Variants in TBX3 observed in about 807,000 individuals in gnomAD.
TBX3 encodes the protein T-box transcription factor TBX3.
In TBX3, 11 loss-of-function variants were observed where a neutral mutation model predicts 47.8. The ratio of observed to expected loss-of-function variants is 0.23; its 90% CI spans 0.14 to 0.38. TBX3 has a LOEUF of 0.38. TBX3 is among the 10% of genes least tolerant of loss of function. The probability of loss-of-function intolerance (pLI) is 1.00; values close to 1 mark genes in which losing one functional copy is unlikely to be tolerated. For missense variants in TBX3, 927 were observed against 1,022.8 expected (o/e 0.91, Z 1.28); for synonymous variants, 500 against 449.3 (o/e 1.11, Z -1.43).
At chr12:114,680,115 G>A in intron 2 of TBX3, 2 of 830,788 alleles carry the variant, frequency 2.4e-6, no homozygotes, top group Non-Finnish European at 3.9e-6. Context: ...ATCAAATCAA[G>A]GGCTTCAAAT....
In TBX3 at chr12:114,672,085, A is replaced by G. The variant is rs766105115; in HGVS notation, c.1928T>C (p.Met643Thr). 3.2e-6 allele frequency: 5 copies of G among 1,568,274 alleles called. No homozygotes were observed. The South Asian group carries it at 5.8e-5, about 18-fold the overall frequency. The change falls in exon 7 of 7, where the codon ATG (methionine) becomes ACG (threonine). Residue 643 changes from methionine (M) to threonine (T), a missense_variant. Around this residue, in one of 5 missense-constraint regions of TBX3, gnomAD observed 623 missense variants for 569.0 expected, o/e 1.09. Coordinates refer to ENST00000349155, the MANE Select transcript of TBX3 (RefSeq NM_005996.4). ...GTCCAGGGGCCCCGCGGCCGCCGCCATGGAGGGCAGGGCGGTGGTGAGCAG... is the reference window on the plus strand; with the variant it reads ...GTCCAGGGGCCCCGCGGCCGCCGCCGTGGAGGGCAGGGCGGTGGTGAGCAG... Reference protein sequence around the residue: ...SSLLTTALPSMAAAAGPLDGK... With the variant: ...SSLLTTALPSTAAAAGPLDGK...
At position 114,683,340 on chromosome 12, in the gene TBX3, A is replaced by G. The variant is rs1362598221; in HGVS notation, c.-140T>C. 8.4e-7 allele frequency: 1 copy of G among 1,188,424 alleles called. No individual in the cohort carries two copies. Among genetic ancestry groups the G allele is most frequent in the African/African-American group, 1.5e-5 (1 of 65,076 alleles). 73.6% of individuals were successfully genotyped at this position (1,188,424 alleles called of 1,614,324 possible). A position where few individuals can be genotyped will look rare whatever the true frequency, so the allele number is the denominator to read the frequency against. ...AAAACAAAAAAGAAAGAAAAAAGAAAAGGAGGCAGAAATCACAACTAATGC... is the reference window on the plus strand; with the variant it reads ...AAAACAAAAAAGAAAGAAAAAAGAAGAGGAGGCAGAAATCACAACTAATGC... On this transcript the variant is annotated 5_prime_UTR_variant, in exon 1 of 7. Coordinates refer to ENST00000349155, the MANE Select transcript of TBX3 (RefSeq NM_005996.4). The surrounding 1 kb of genome is among the most constrained non-coding windows in gnomAD (Gnocchi z 7.7).
rs1221864835 is a variant in TBX3, at chr12:114,683,831, C to T, written c.-631G>A. On this transcript the variant is annotated 5_prime_UTR_variant, in exon 1 of 7. Transcript: ENST00000349155. The surrounding 1 kb of genome is among the most constrained non-coding windows in gnomAD (Gnocchi z 7.7). The stretch of plus-strand genomic sequence containing the variant: ...TGATTTAAACCCCCTTCTACCAGCG[C>T]TATCAAAACTTGAATTGCAAACTGG... 3.5e-5 allele frequency: 8 copies of T among 230,804 alleles called. No individual in the cohort carries two copies. The East Asian group carries it at 4.9e-4, about 14-fold the overall frequency. The allele number at this position is 230,804 out of a possible 1,614,324, so 14.3% of individuals were successfully genotyped here. A position where few individuals can be genotyped will look rare whatever the true frequency, so the allele number is the denominator to read the frequency against.
At position 114,672,007 on chromosome 12, in the gene TBX3, C is replaced by A. The variant is rs1868456130; in HGVS notation, c.2006G>T (p.Gly669Val). The A allele has an allele frequency of 6.3e-7, 1 of 1,597,488 alleles. No individual in the cohort carries two copies. The highest frequency in any genetic ancestry group is 8.5e-7 in the Non-Finnish European group (1 of 1,172,370). Residue 669 changes from glycine (G) to valine (V), a missense_variant, in exon 7 of 7, where the codon GGC (glycine) becomes GTC (valine). Physicochemically the swap from Gly to Val is moderately radical, Grantham distance 109. This residue lies in a region of TBX3 where 623 missense variants were observed against 569.0 expected (regional missense o/e 1.09). Coordinates refer to ENST00000349155, the MANE Select transcript of TBX3 (RefSeq NM_005996.4). ...ASPASVAVDS[G>V]SELNSRSSTL... ...GGAGGAGCGGCTGTTGAGTTCAGAG[C>A]CCGAGTCCACTGCCACCGAGGCCGG...
chr12:114,674,511 C>A lies in TBX3; in HGVS notation c.1364G>T (p.Gly455Val). The A allele has an allele frequency of 1.3e-6, 2 of 1,510,986 alleles. No individual in the cohort carries two copies. The highest frequency in any genetic ancestry group is 1.8e-6 in the Non-Finnish European group (2 of 1,133,818). 93.6% of individuals were successfully genotyped at this position (1,510,986 alleles called of 1,614,324 possible). The change falls in exon 6 of 7, where the codon GGC becomes GTC. Residue 455 changes from glycine (G) to valine (V), a missense_variant. Physicochemically the swap from Gly to Val is moderately radical, Grantham distance 109. Coordinates refer to ENST00000349155, the MANE Select transcript of TBX3 (RefSeq NM_005996.4). The part of the protein sequence containing the change: ...AKVEEARALP[G>V]KEAFAPLTVQ... ...CGTGAGCGGCGCGAAGGCCTCCTTG[C>A]CCGGGAGCGCGCGCGCCTCTTCCAC...
chr12:114,678,922 A>G (rs746053785), intron 3 of TBX3, among the ~76,000 whole-genome samples: 12 of 151,802 alleles, frequency 7.9e-5, no homozygotes, highest in Non-Finnish European at 1.5e-4. Context: ...GCCTCAGACA[A>G]CTCGATTAAT....
Position 114,674,459 on chromosome 12 carries a change from G to A in TBX3, c.1416C>T (p.His472=). 1 of 1,543,670 alleles carries A rather than the reference G, an allele frequency of 6.5e-7. No individual in the cohort carries two copies. The highest frequency in any genetic ancestry group is 8.7e-7 in the Non-Finnish European group (1 of 1,144,290). ...GGCCAGGCAGGGGGCCCTGGGCCAGGTGCGCGGCGGCCGCGTCCGTCTGCA... is the reference window on the plus strand; with the variant it reads ...GGCCAGGCAGGGGGCCCTGGGCCAGATGCGCGGCGGCCGCGTCCGTCTGCA... The part of the protein sequence containing the change: ...LTVQTDAAAA[H]LAQGPLPGLG... The change falls in exon 6 of 7, where the codon CAC becomes CAT. Residue 472 remains histidine (H), a synonymous_variant. Coordinates refer to ENST00000349155, the MANE Select transcript of TBX3 (RefSeq NM_005996.4).
chr12:114,671,513 C>T lies in TBX3; in HGVS notation c.*328G>A. On this transcript the variant is annotated 3_prime_UTR_variant, in exon 7 of 7. Transcript: ENST00000349155. ...CCGCACTGAGGGAGATGTCTTTGAACACCTCCCCGCCTGGTGGGCAGAGAC... is the reference window on the plus strand; with the variant it reads ...CCGCACTGAGGGAGATGTCTTTGAATACCTCCCCGCCTGGTGGGCAGAGAC... 1 of 453,102 alleles carries T rather than the reference C, an allele frequency of 2.2e-6. No individual in the cohort carries two copies. The highest frequency in any genetic ancestry group is 4.0e-6 in the Non-Finnish European group (1 of 249,904). 28.1% of individuals were successfully genotyped at this position (453,102 alleles called of 1,614,324 possible).
chr12:114,678,042 ACAC>A lies in TBX3; in HGVS notation c.805-389_805-387del, dbSNP rs557409922. On this transcript the variant is annotated intron_variant, in intron 3 of 6. Coordinates refer to ENST00000349155, the MANE Select transcript of TBX3 (RefSeq NM_005996.4). ...CCTTCACACACACACACACACACAC[ACAC>A]ACACACACACACTCCTTTTCCATGA... is the stretch of plus-strand genomic sequence containing the variant. 1.1e-4 allele frequency among the ~76,000 whole-genome samples: 16 copies of A among 151,972 alleles called. No homozygotes were observed. The South Asian group carries it at 2.9e-3, about 28-fold the overall frequency.
chr12:114,671,706 G>A lies in TBX3; in HGVS notation c.*135C>T. On this transcript the variant is annotated 3_prime_UTR_variant, in exon 7 of 7. Transcript: ENST00000349155. ...GTCTCTAGCACATTCTCTCGAGGGA[G>A]TCCGGGGCCCCTTCCCAGACGCAAC... The A allele has an allele frequency of 9.2e-7, 1 of 1,086,940 alleles. No individual in the cohort carries two copies. The highest frequency in any genetic ancestry group is 1.4e-5 in the South Asian group (1 of 73,738). 67.3% of individuals were successfully genotyped at this position (1,086,940 alleles called of 1,614,324 possible). A position where few individuals can be genotyped will look rare whatever the true frequency, so the allele number is the denominator to read the frequency against.
intron 2 of TBX3, chr12:114,680,008 CA>C (rs750394926): frequency 8.1e-6 from 13 of 1,609,110 alleles, no homozygotes; most frequent in Non-Finnish European, 1.7e-6. Context: ...TTTTAATTTA[CA>C]AAATGATTCA....
At chr12:114,673,311 C>A (rs1868531407) in intron 6 of TBX3, among the ~76,000 whole-genome samples, 1 of 152,210 alleles carries the variant, frequency 6.6e-6, no homozygotes, top group South Asian at 2.1e-4. Flanking sequence ...TCAGACAAAA[C>A]AAAAGGCAAC....
intron 4 of TBX3, 43 bp downstream of exon 4, chr12:114,677,537 G>A: frequency 6.3e-7 from 1 of 1,590,356 alleles, no homozygotes; most frequent in Non-Finnish European, 8.6e-7. Flanking sequence ...CCTAAAAAAA[G>A]GGATTTTTCT....
Position 114,681,102 on chromosome 12 carries a change from T to C in TBX3, c.434A>G (p.Lys145Arg), listed in dbSNP as rs1256655578. 1 of 1,613,996 alleles carries C rather than the reference T, an allele frequency of 6.2e-7. No individual in the cohort carries two copies. Among genetic ancestry groups the C allele is most frequent in the Non-Finnish European group, 8.5e-7 (1 of 1,180,040 alleles). Residue 145 changes from lysine to arginine, a missense_variant, in exon 2 of 7, where the codon AAA becomes AGA. Coordinates refer to ENST00000349155, the MANE Select transcript of TBX3 (RefSeq NM_005996.4). ...PFKVRCSGLD[K>R]KAKYILLMDI... ...CATCAATAAAATGTATTTGGCTTTT[T>C]TATCCAGCCCAGAACATCTCACTTT...
intron 1 of TBX3, among the ~76,000 whole-genome samples, chr12:114,682,036 CA>C (rs371257932): frequency 0.016 from 2,358 of 148,134 alleles, 67 homozygotes; most frequent in African/African-American, 0.055. Flanking sequence ...AATGCTATTA[CA>C]AAAAAAAAAT....
chr12:114,680,165 G>T, intron 2 of TBX3: 1 of 629,824 alleles, frequency 1.6e-6, no homozygotes, highest in Non-Finnish European at 2.8e-6. Context: ...CGCCATTCGC[G>T]TCTTCCTGGG....
At chr12:114,673,986 TGAATGGGGA>T (rs1347645108) in intron 6 of TBX3, among the ~76,000 whole-genome samples, 170 bp downstream of exon 6, 1 of 152,000 alleles carries the variant, frequency 6.6e-6, no homozygotes, top group Non-Finnish European at 1.5e-5. Context: ...ATTTTTGGGG[TGAATGGGGA>T]GAATGAAGTC....
chr12:114,675,120 CTTATT>C (rs2121386307), intron 5 of TBX3, among the ~76,000 whole-genome samples: 1 of 152,310 alleles, frequency 6.6e-6, no homozygotes, highest in East Asian at 1.9e-4. Context: ...AGTAGCTCTT[CTTATT>C]TTAATGAATT....
rs1438073122 is a variant in TBX3, at chr12:114,674,523, C to T, written c.1352G>A (p.Arg451His). ...GTAPAKVEEA[R>H]ALPGKEAFAP... is the part of the protein sequence containing the mutation. ...GAAGGCCTCCTTGCCCGGGAGCGCG[C>T]GCGCCTCTTCCACCTTGGCCGGCGC... The change falls in exon 6 of 7, where the codon CGC becomes CAC. Residue 451 changes from arginine to histidine, a missense_variant. This residue lies in a region of TBX3 where 623 missense variants were observed against 569.0 expected (regional missense o/e 1.09). Coordinates refer to ENST00000349155, the MANE Select transcript of TBX3 (RefSeq NM_005996.4). 2.6e-6 allele frequency: 4 copies of T among 1,516,378 alleles called. No individual in the cohort carries two copies. The highest frequency in any genetic ancestry group is 3.5e-6 in the Non-Finnish European group (4 of 1,136,550). The allele number at this position is 1,516,378 out of a possible 1,614,324, so 93.9% of individuals were successfully genotyped here. A position where few individuals can be genotyped will look rare whatever the true frequency, so the allele number is the denominator to read the frequency against.
Sources: allele counts gnomAD v4.1 joint callset (sites outside exome capture counted in the v4.1 genomes callset), GRCh38; gene constraint gnomAD v4.1.1; regional missense constraint gnomAD v4.1.1; non-coding constraint Gnocchi (gnomAD v3.1); transcripts MANE v1.5; gene names NCBI Gene and HGNC (gene_info 2026-07-23, HGNC 2026-07-21).